OSCP1: variants seen among roughly 807,000 people sequenced by gnomAD.
The protein encoded by OSCP1 is protein OSCP1.
A neutral mutation model predicts 45.1 loss-of-function variants in OSCP1; 35 were observed. That is an observed-to-expected ratio of 0.78 (90% CI 0.59 to 1.03). OSCP1 has a LOEUF of 1.03. Ranked by LOEUF, OSCP1 falls within the 50% of genes least tolerant of loss-of-function variation. The pLI, the probability that OSCP1 is intolerant of heterozygous loss-of-function variation, is 0.00. For synonymous variants in OSCP1, 179 were observed against 180.1 expected, an observed-to-expected ratio of 0.99 and a Z score of 0.05; for missense variants, 400 against 470.7, an observed-to-expected ratio of 0.85 and a Z score of 1.39.
At chr1:36,429,436 T>C (rs1481751754) in intron 4 of OSCP1, among the ~76,000 whole-genome samples, 1 of 151,572 alleles carries the variant, frequency 6.6e-6, no homozygotes, top group Non-Finnish European at 1.5e-5. Context: ...TGGGCTTGTT[T>C]TACCATATCA....
At chr1:36,429,859 A>G (rs1463967900) in intron 4 of OSCP1, among the ~76,000 whole-genome samples, 4 of 143,672 alleles carry the variant, frequency 2.8e-5, no homozygotes, top group African/African-American at 1.0e-4. Context: ...CGCCCAGGCT[A>G]GAGTGCAGTG....
chr1:36,419,014 C>T lies in OSCP1; in HGVS notation c.1000G>A (p.Val334Ile), dbSNP rs762890061. The T allele has an allele frequency of 1.7e-5, 28 of 1,611,808 alleles. No homozygotes were observed. Among genetic ancestry groups the T allele is most frequent in the Non-Finnish European group, 2.3e-5 (27 of 1,178,196 alleles). The change falls in exon 9 of 10, where the codon GTT becomes ATT. Residue 334 changes from valine to isoleucine, a missense_variant. Val to Ile is a conservative substitution (Grantham distance 29). Transcript: ENST00000235532. ...ACCTGGGTGGCTTGTATGTTGATAA[C>T]TTCATAGGATAACTCTTCTGGCCTG... ...LTRPEELSYEVINIQATQDQQ... is the reference protein window; with the variant it reads ...LTRPEELSYEIINIQATQDQQ...
rs376886111 is a variant in OSCP1, at chr1:36,444,077, G to C, written c.113-5167C>G. On this transcript the variant is annotated intron_variant, in intron 1 of 9. Transcript: ENST00000235532. ...AAGAAAACACCAGTTCATGAAGCAA[G>C]AACATTATTTTCAAGGAGGCTTTAA... 9 of 1,588,190 alleles carry C rather than the reference G, an allele frequency of 5.7e-6. No individual in the cohort carries two copies. The East Asian group carries it at 2.0e-4, about 35-fold the overall frequency.
At chr1:36,435,093 T>TTC (rs1388777588) in intron 2 of OSCP1, among the ~76,000 whole-genome samples, 62 of 103,728 alleles carry the variant, frequency 6.0e-4, no homozygotes, top group African/African-American at 2.5e-3. Context: ...TTCTTTTTCT[T>TTC]TTTTTTTTTT....
rs372240068 is a variant in OSCP1, at chr1:36,418,240, C to T, written c.1039G>A (p.Glu347Lys). 4.1e-5 allele frequency: 66 copies of T among 1,614,152 alleles called. No individual in the cohort carries two copies. The highest frequency in any genetic ancestry group is 8.9e-5 in the East Asian group (4 of 44,876). ...IQATQDQQRS[E>K]ELARIMGEFE... The stretch of plus-strand genomic sequence containing the variant: ...TCCCCCATGATTCGAGCCAGCTCCT[C>T]GCTCCGTTGCTGGTCCTATGAGGGA... Residue 347 changes from glutamate (E) to lysine (K), a missense_variant, in exon 10 of 10, where the codon GAG (glutamate) becomes AAG (lysine). Transcript: ENST00000235532.
rs186498583 is a variant in OSCP1 at position 36,443,505 on chromosome 1, C to T, written c.113-4595G>A. Among the ~76,000 whole-genome samples the T allele has an allele frequency of 3.2e-4, 48 of 152,300 alleles. 1 individual carries two copies. The highest frequency in any genetic ancestry group is 1.2e-3 in the African/African-American group (48 of 41,582). On this transcript the variant is annotated intron_variant, in intron 1 of 9. Coordinates refer to ENST00000235532, the MANE Select transcript of OSCP1 (RefSeq NM_145047.5). ...CTGAAGCTTTTGCATGATGAGGCCACACTGCATGCATGATGTCATGCCTTC... is the reference window on the plus strand; with the variant it reads ...CTGAAGCTTTTGCATGATGAGGCCATACTGCATGCATGATGTCATGCCTTC...
intron 3 of OSCP1, 109 bp downstream of exon 3, chr1:36,432,313 G>C (rs1036290881): frequency 8.4e-6 from 11 of 1,306,044 alleles, no homozygotes; most frequent in Non-Finnish European, 1.1e-5. Flanking sequence ...AGAGTGGCAG[G>C]CTTTGCCATT....
chr1:36,438,645 T>C, intron 2 of OSCP1, 111 bp downstream of exon 2: 1 of 1,301,600 alleles, frequency 7.7e-7, no homozygotes, highest in Non-Finnish European at 1.0e-6. Flanking sequence ...TACACATGCC[T>C]GTTTCTTGCA....
At chr1:36,439,987 G>A (rs545973856) in intron 1 of OSCP1, among the ~76,000 whole-genome samples, 3 of 152,272 alleles carry the variant, frequency 2.0e-5, no homozygotes, top group East Asian at 1.9e-4. Flanking sequence ...AGTTATCCTC[G>A]CCTAAATGTG....
chr1:36,430,406 G>A (rs1462823716), intron 4 of OSCP1, among the ~76,000 whole-genome samples: 1 of 152,152 alleles, frequency 6.6e-6, no homozygotes, highest in Non-Finnish European at 1.5e-5. Flanking sequence ...CAGGAGGAGA[G>A]GGGCCCAGTT....
chr1:36,434,181 T>C (rs921594316), intron 2 of OSCP1, among the ~76,000 whole-genome samples: 2 of 152,072 alleles, frequency 1.3e-5, no homozygotes, highest in African/African-American at 2.4e-5. Context: ...TGGGGCAGGA[T>C]TGAAACGATA....
intron 1 of OSCP1, among the ~76,000 whole-genome samples, chr1:36,441,184 GC>G (rs2124807307): frequency 6.6e-6 from 1 of 152,294 alleles, no homozygotes; most frequent in South Asian, 2.1e-4. Context: ...GAGTACAAAT[GC>G]CCCCAAAGAG....
chr1:36,441,775 A>G (rs1042294562), intron 1 of OSCP1, among the ~76,000 whole-genome samples: 1 of 143,696 alleles, frequency 7.0e-6, no homozygotes, highest in Non-Finnish European at 1.5e-5. Context: ...AAAAAAAAGT[A>G]ATTTGTTTTT....
intron 2 of OSCP1, among the ~76,000 whole-genome samples, chr1:36,436,282 T>G (rs986509833): frequency 6.6e-6 from 1 of 151,542 alleles, no homozygotes; most frequent in African/African-American, 2.4e-5. Context: ...TTTTTTTTTT[T>G]TGTATTTTTA....
intron 4 of OSCP1, among the ~76,000 whole-genome samples, chr1:36,425,989 G>A (rs996530273): frequency 1.3e-5 from 2 of 152,168 alleles, no homozygotes; most frequent in Admixed American, 6.5e-5. Flanking sequence ...AAGAAGGTAG[G>A]TGTAGAGACA....
At position 36,432,331 on chromosome 1, in the gene OSCP1, C is replaced by G. The variant is rs763319403; in HGVS notation, c.435+91G>C. On this transcript the variant is annotated intron_variant, in intron 3 of 9. Coordinates refer to ENST00000235532, the MANE Select transcript of OSCP1 (RefSeq NM_145047.5). The stretch of plus-strand genomic sequence containing the variant: ...GTGGCAGGCTTTGCCATTCCTCATC[C>G]TGTTCTCTCTGTCATAGATCTACCT... 6.8e-5 allele frequency: 97 copies of G among 1,435,754 alleles called. No homozygotes were observed. The South Asian group carries it at 1.2e-3, about 17-fold the overall frequency. 88.9% of individuals were successfully genotyped at this position (1,435,754 alleles called of 1,614,324 possible). A position where few individuals can be genotyped will look rare whatever the true frequency, so the allele number is the denominator to read the frequency against.
At chr1:36,436,971 G>A (rs1648788598) in intron 2 of OSCP1, among the ~76,000 whole-genome samples, 1 of 152,168 alleles carries the variant, frequency 6.6e-6, no homozygotes, top group Non-Finnish European at 1.5e-5. Context: ...GGAGTTTTGG[G>A]GAGGAAGACC....
At chr1:36,441,750 CAAA>C (rs575967932) in intron 1 of OSCP1, among the ~76,000 whole-genome samples, 11 of 58,272 alleles carry the variant, frequency 1.9e-4, no homozygotes, top group African/African-American at 2.5e-4. Flanking sequence ...GACTCCAGCT[CAAA>C]AAAAAAAAAA....
intron 1 of OSCP1, among the ~76,000 whole-genome samples, chr1:36,449,207 T>G (rs1649726090): frequency 6.6e-6 from 1 of 152,200 alleles, no homozygotes; most frequent in South Asian, 2.1e-4. Context: ...AATATTTCCT[T>G]CATACTTAAT....
Sources: allele counts gnomAD v4.1 joint callset (sites outside exome capture counted in the v4.1 genomes callset), GRCh38; gene constraint gnomAD v4.1.1; transcripts MANE v1.5; gene names NCBI Gene and HGNC (gene_info 2026-07-23, HGNC 2026-07-21).